Variants in ARHGAP10 observed in about 807,000 individuals in gnomAD.
The protein encoded by ARHGAP10 is rho GTPase-activating protein 10.
Under a neutral mutation model 108.6 loss-of-function variants are expected in ARHGAP10, and 87 were observed. The ratio of observed to expected loss-of-function variants is 0.80; its 90% CI spans 0.67 to 0.96. The LOEUF is 0.96. Among genes scored for constraint, ARHGAP10 ranks in the 40% least tolerant of loss-of-function variants. The pLI is 0.00. For missense variants in ARHGAP10, 939 were observed against 954.5 expected (o/e 0.98, Z 0.21); for synonymous variants, 347 against 341.1 (o/e 1.02, Z -0.19).
intron 1 of ARHGAP10, among the ~76,000 whole-genome samples, chr4:147,790,029 C>G (rs2126744816): frequency 7.8e-6 from 1 of 127,996 alleles, no homozygotes; most frequent in South Asian, 2.6e-4. Context: ...ATCCTAGTCT[C>G]TTAGCTCAGG....
In ARHGAP10 at chr4:147,904,758, T is replaced by G. The variant is rs182312248; in HGVS notation, c.1035-1880T>G. On this transcript the variant is annotated intron_variant, in intron 10 of 22. Coordinates refer to ENST00000336498, the MANE Select transcript of ARHGAP10 (RefSeq NM_024605.4). ...TTGGGTATATACCCAGTAATGGGAT[T>G]GCTGGGTCAAATAGTATTTCTAGTT... 2.0e-4 allele frequency among the ~76,000 whole-genome samples: 30 copies of G among 152,314 alleles called. 1 individual carries two copies. Among genetic ancestry groups the G allele is most frequent in the Admixed American group, 1.8e-3 (28 of 15,290 alleles).
At chr4:147,939,559 A>G (rs182821854) in intron 13 of ARHGAP10, among the ~76,000 whole-genome samples, 2 of 152,358 alleles carry the variant, frequency 1.3e-5, no homozygotes, top group East Asian at 3.9e-4. Flanking sequence ...CAATGTATCC[A>G]TGATACTTAA....
intron 20 of ARHGAP10, among the ~76,000 whole-genome samples, chr4:148,054,840 G>T (rs10010996): frequency 0.042 from 6,347 of 152,216 alleles, 468 homozygotes; most frequent in African/African-American, 0.14. Flanking sequence ...AAATCTCTTT[G>T]TAAGTGATTG....
intron 18 of ARHGAP10, among the ~76,000 whole-genome samples, chr4:148,002,002 G>A (rs1560868778): frequency 6.6e-6 from 1 of 152,182 alleles, no homozygotes; most frequent in Non-Finnish European, 1.5e-5. Context: ...AGTTTTCAAA[G>A]GGAATGCTTC....
chr4:147,988,752 C>T (rs1009707537), intron 18 of ARHGAP10, among the ~76,000 whole-genome samples: 1 of 152,162 alleles, frequency 6.6e-6, no homozygotes, highest in Non-Finnish European at 1.5e-5. Flanking sequence ...ACTTTTCCCC[C>T]ACACTTCCGT....
intron 10 of ARHGAP10, 131 bp from the exon 11 acceptor site, chr4:147,906,507 A>G (rs1736500312): frequency 2.6e-6 from 2 of 783,378 alleles, no homozygotes; most frequent in Non-Finnish European, 4.1e-6. Context: ...CGTTAAGATG[A>G]TAAATTTTAG....
At chr4:148,066,281 C>G (rs1268135537) in intron 22 of ARHGAP10, among the ~76,000 whole-genome samples, 1 of 152,170 alleles carries the variant, frequency 6.6e-6, no homozygotes, top group Admixed American at 6.5e-5. Flanking sequence ...GTTTACCCAT[C>G]CTCACATCCC....
intron 4 of ARHGAP10, among the ~76,000 whole-genome samples, chr4:147,848,801 C>G (rs1733738256): frequency 6.6e-6 from 1 of 152,288 alleles, no homozygotes; most frequent in South Asian, 2.1e-4. Flanking sequence ...TCATTTTCCC[C>G]CCTAAACTTT....
intron 10 of ARHGAP10, among the ~76,000 whole-genome samples, chr4:147,901,480 A>G (rs1361036003): frequency 1.3e-5 from 2 of 152,224 alleles, no homozygotes; most frequent in Non-Finnish European, 2.9e-5. Context: ...AATATAAACA[A>G]ATGGAATTCT....
chr4:147,948,313 A>G (rs148713596), intron 15 of ARHGAP10, among the ~76,000 whole-genome samples: 51 of 152,276 alleles, frequency 3.3e-4, no homozygotes, highest in Non-Finnish European at 6.3e-4. Flanking sequence ...TCATTTTTAA[A>G]AAGTCAGTCA....
chr4:147,837,432 G>A (rs1051192388), intron 3 of ARHGAP10, among the ~76,000 whole-genome samples: 1 of 152,098 alleles, frequency 6.6e-6, no homozygotes, highest in African/African-American at 2.4e-5. Flanking sequence ...AGGGTATTGG[G>A]TTTCTTGTAG....
chr4:147,745,821 G>A (rs1462720397), intron 1 of ARHGAP10, among the ~76,000 whole-genome samples: 2 of 130,738 alleles, frequency 1.5e-5, no homozygotes, highest in African/African-American at 5.5e-5. Context: ...GAGTTTCGCT[G>A]TTGTTGCGTA....
At chr4:147,734,358 T>G (rs1384126696) in intron 1 of ARHGAP10, among the ~76,000 whole-genome samples, 2 of 152,240 alleles carry the variant, frequency 1.3e-5, no homozygotes, top group Non-Finnish European at 2.9e-5. Flanking sequence ...TAGACTTTCT[T>G]GAATTTGTGA....
chr4:148,063,130 T>A lies in ARHGAP10; in HGVS notation c.2028-18T>A, dbSNP rs1329060021. On this transcript the variant is annotated intron_variant, in intron 20 of 22. Transcript: ENST00000336498. ...GCCTTTCTGCTATTAATCCTGTCCT[T>A]CAAACTCCTACCCTTAGCCCAGGCC... is the stretch of plus-strand genomic sequence containing the variant. The A allele has an allele frequency of 5.6e-6, 9 of 1,613,552 alleles. No homozygotes were observed. The highest frequency in any genetic ancestry group is 7.6e-6 in the Non-Finnish European group (9 of 1,179,762).
rs1730197077 is a variant in ARHGAP10 at position 148,071,854 on chromosome 4, G to T, written c.2273-139G>T. 7.6e-6 allele frequency: 5 copies of T among 657,492 alleles called. No individual in the cohort carries two copies. The South Asian group carries it at 9.7e-5, about 13-fold the overall frequency. The allele number at this position is 657,492 out of a possible 1,614,324, so 40.7% of individuals were successfully genotyped here. ...GAGGCAGAGCCTGTCAATGACCCTGGTGCAGACTTTGTGACCCAACATCCC... is the reference window on the plus strand; with the variant it reads ...GAGGCAGAGCCTGTCAATGACCCTGTTGCAGACTTTGTGACCCAACATCCC... On this transcript the variant is annotated intron_variant, in intron 22 of 22. Coordinates refer to ENST00000336498, the MANE Select transcript of ARHGAP10 (RefSeq NM_024605.4).
intron 10 of ARHGAP10, among the ~76,000 whole-genome samples, chr4:147,886,080 T>C (rs984980807): frequency 1.5e-4 from 23 of 152,182 alleles, no homozygotes; most frequent in African/African-American, 5.1e-4. Context: ...ATAAGGGGTA[T>C]ATGAAACGTA....
At chr4:148,029,456 G>A (rs1399857301) in intron 19 of ARHGAP10, among the ~76,000 whole-genome samples, 1 of 152,200 alleles carries the variant, frequency 6.6e-6, no homozygotes, top group Non-Finnish European at 1.5e-5. Flanking sequence ...TCTTTCCCAC[G>A]ATGTTAGCAG....
At chr4:147,877,529 A>ATGAAATTAC (rs1490878080) in intron 8 of ARHGAP10, among the ~76,000 whole-genome samples, 3 of 152,208 alleles carry the variant, frequency 2.0e-5, no homozygotes, top group African/African-American at 7.2e-5. Context: ...TTGTTTGTAC[A>ATGAAATTAC]TGAAATTACT....
intron 14 of ARHGAP10, among the ~76,000 whole-genome samples, chr4:147,942,571 A>G (rs1001501811): frequency 6.6e-6 from 1 of 151,786 alleles, no homozygotes; most frequent in Non-Finnish European, 1.5e-5. Context: ...TCTTTCCACT[A>G]TCCTTCTCTC....
Sources: gnomAD v4.1 joint callset for allele counts (sites outside exome capture counted in the v4.1 genomes callset) on GRCh38, gnomAD v4.1.1 for gene constraint, MANE v1.5 for transcripts, NCBI Gene and HGNC (gene_info 2026-07-23, HGNC 2026-07-21) for gene names.